SNX29: variants seen among roughly 807,000 people sequenced by gnomAD.
SNX29 encodes the protein sorting nexin-29.
Under a neutral mutation model 102.1 loss-of-function variants are expected in SNX29, and 78 were observed. That is an observed-to-expected ratio of 0.76 (90% CI 0.64 to 0.92). The LOEUF (loss-of-function observed/expected upper bound fraction) is 0.92, where lower values mean the gene tolerates loss of function less well. SNX29 is among the 40% of genes least tolerant of loss of function. SNX29 has a pLI of 0.00. For missense variants in SNX29, 1,280 were observed against 1,061.7 expected (o/e 1.21, Z -2.86); for synonymous variants, 580 against 414.5 (o/e 1.40, Z -4.85).
chr16:12,346,577 C>G (rs1177463915), intron 15 of SNX29, among the ~76,000 whole-genome samples: 1 of 152,184 alleles, frequency 6.6e-6, no homozygotes, highest in Non-Finnish European at 1.5e-5. Flanking sequence ...ACTGCTCTCA[C>G]AGGACAGGTG....
At chr16:12,350,686 G>A (rs1474778603) in intron 15 of SNX29, among the ~76,000 whole-genome samples, 1 of 152,202 alleles carries the variant, frequency 6.6e-6, no homozygotes, top group East Asian at 1.9e-4. Context: ...TACAAGTAGG[G>A]AATGGCCCAA....
At chr16:12,153,694 T>G (rs1056733243) in intron 13 of SNX29, among the ~76,000 whole-genome samples, 1 of 151,484 alleles carries the variant, frequency 6.6e-6, no homozygotes, top group African/African-American at 2.4e-5. Context: ...CTCAGGCTGG[T>G]CTCGAACTCA....
chr16:12,165,206 T>G (rs1304070853), intron 13 of SNX29, among the ~76,000 whole-genome samples: 1 of 152,262 alleles, frequency 6.6e-6, no homozygotes, highest in African/African-American at 2.4e-5. Flanking sequence ...TGTTTTTGCT[T>G]TGGAATCTCT....
intron 14 of SNX29, among the ~76,000 whole-genome samples, chr16:12,237,647 C>T (rs1452155915): frequency 1.3e-5 from 2 of 152,112 alleles, no homozygotes; most frequent in East Asian, 3.9e-4. Flanking sequence ...TGGCAGGTGC[C>T]TGTAATCCCA....
chr16:12,416,737 A>G (rs775818217), intron 18 of SNX29, among the ~76,000 whole-genome samples: 26 of 152,176 alleles, frequency 1.7e-4, no homozygotes, highest in Non-Finnish European at 3.2e-4. Context: ...GAGAAGGAGC[A>G]AGAGAGAGGA....
chr16:12,127,865 T>A (rs1192909224), intron 12 of SNX29, among the ~76,000 whole-genome samples: 1 of 152,188 alleles, frequency 6.6e-6, no homozygotes, highest in Non-Finnish European at 1.5e-5. Flanking sequence ...TTATCTTGAC[T>A]GTGGGGTGGT....
chr16:12,117,377 C>G (rs1464999976), intron 11 of SNX29, among the ~76,000 whole-genome samples: 1 of 131,270 alleles, frequency 7.6e-6, no homozygotes, highest in Non-Finnish European at 1.6e-5. Context: ...TCAGTGCGGA[C>G]GAACCGTGGA....
intron 14 of SNX29, among the ~76,000 whole-genome samples, chr16:12,231,063 G>C (rs2077755495): frequency 6.6e-6 from 1 of 152,104 alleles, no homozygotes; most frequent in East Asian, 1.9e-4. Flanking sequence ...ATGTTGGCCA[G>C]GCTGGTCCCG....
chr16:12,563,633 C>T (rs895374056), intron 20 of SNX29, among the ~76,000 whole-genome samples: 10 of 152,098 alleles, frequency 6.6e-5, no homozygotes, highest in African/African-American at 2.4e-4. Context: ...CTGTCCTGGC[C>T]CCAGAAGGTA....
chr16:12,309,247 T>G (rs1259072970), intron 15 of SNX29, among the ~76,000 whole-genome samples: 2 of 152,220 alleles, frequency 1.3e-5, no homozygotes, highest in African/African-American at 4.8e-5. Context: ...GAACGCTGTG[T>G]TAGCCCATCC....
At chr16:12,386,704 T>C (rs920227161) in intron 16 of SNX29, among the ~76,000 whole-genome samples, 1 of 152,228 alleles carries the variant, frequency 6.6e-6, no homozygotes, top group Non-Finnish European at 1.5e-5. Context: ...TAATGTGAGA[T>C]GAATCTTTCC....
rs561417127 is a variant in SNX29 at position 12,261,931 on chromosome 16, C to G, written c.1679-16002C>G. Among the ~76,000 whole-genome samples the G allele has an allele frequency of 2.1e-5, 3 of 144,566 alleles. 1 individual carries two copies. Among genetic ancestry groups the G allele is most frequent in the Non-Finnish European group, 4.5e-5 (3 of 66,152 alleles). 94.8% of individuals were successfully genotyped at this position (144,566 alleles called of 152,430 possible). A position where few individuals can be genotyped will look rare whatever the true frequency, so the allele number is the denominator to read the frequency against. On this transcript the variant is annotated intron_variant, in intron 14 of 20. Transcript: ENST00000566228. ...CCGGCTGGAGTGAGTGGTTCCTGAG[C>G]CCAGGTCTGCACGTGTCCCCGGCTG... is the stretch of plus-strand genomic sequence containing the variant.
intron 11 of SNX29, among the ~76,000 whole-genome samples, chr16:12,106,539 T>C (rs1222255923): frequency 1.3e-5 from 2 of 152,078 alleles, no homozygotes; most frequent in African/African-American, 4.8e-5. Flanking sequence ...AGTGGAATGA[T>C]GATACCTTAT....
At chr16:12,449,186 A>G (rs865902035) in intron 18 of SNX29, among the ~76,000 whole-genome samples, 3 of 152,112 alleles carry the variant, frequency 2.0e-5, no homozygotes, top group African/African-American at 7.2e-5. Context: ...GAATAGTGAT[A>G]GACCTTGGTC....
intron 19 of SNX29, among the ~76,000 whole-genome samples, chr16:12,522,187 C>G (rs191288897): frequency 2.6e-5 from 4 of 152,196 alleles, no homozygotes; most frequent in Non-Finnish European, 5.9e-5. Flanking sequence ...ATTTTGTAGT[C>G]TAAGTGTATC....
At chr16:12,407,090 A>G (rs1250013496) in intron 18 of SNX29, among the ~76,000 whole-genome samples, 4 of 152,186 alleles carry the variant, frequency 2.6e-5, no homozygotes, top group Non-Finnish European at 5.9e-5. Context: ...GTGGGATGGC[A>G]AGATGGTGGT....
intron 20 of SNX29, among the ~76,000 whole-genome samples, chr16:12,565,796 A>C (rs2078977821): frequency 6.6e-6 from 1 of 152,004 alleles, no homozygotes; most frequent in Admixed American, 6.5e-5. Context: ...AGGGCCCTTT[A>C]CACAGCAACC....
chr16:12,475,650 T>G (rs1422004272), intron 18 of SNX29, among the ~76,000 whole-genome samples: 1 of 152,236 alleles, frequency 6.6e-6, no homozygotes, highest in East Asian at 1.9e-4. Flanking sequence ...TTAGGCACAA[T>G]CATCTAACAC....
Position 12,572,879 on chromosome 16 carries a change from C to G in SNX29, c.*4250C>G, listed in dbSNP as rs886170008. 5.7e-6 allele frequency: 6 copies of G among 1,059,986 alleles called. No homozygotes were observed. The East Asian group carries it at 3.0e-4, about 53-fold the overall frequency. The allele number at this position is 1,059,986 out of a possible 1,614,324, so 65.7% of individuals were successfully genotyped here. A position where few individuals can be genotyped will look rare whatever the true frequency, so the allele number is the denominator to read the frequency against. ...GCCCTAAAGGTAATGATTGTCTTGA[C>G]TCTGCCTTGGCATTTCGCTCGGAAT... On this transcript the variant is annotated 3_prime_UTR_variant, in exon 21 of 21. Transcript: ENST00000566228.
Sources: gnomAD v4.1 joint callset for allele counts (sites outside exome capture counted in the v4.1 genomes callset) on GRCh38, gnomAD v4.1.1 for gene constraint, MANE v1.5 for transcripts, NCBI Gene and HGNC (gene_info 2026-07-23, HGNC 2026-07-21) for gene names.